CACNA2D1: variants seen among roughly 807,000 people sequenced by gnomAD.
The protein encoded by CACNA2D1 is voltage-dependent calcium channel subunit alpha-2/delta-1.
CACNA2D1 carries 53 observed loss-of-function variants against 171.5 expected under a neutral mutation model. The ratio of observed to expected loss-of-function variants is 0.31; its 90% CI spans 0.25 to 0.39. CACNA2D1 has a LOEUF of 0.39. Among genes scored for constraint, CACNA2D1 ranks in the 10% least tolerant of loss-of-function variants. The pLI is 1.00. For missense variants in CACNA2D1, 903 were observed against 1,299.8 expected (o/e 0.69, Z 4.69); for synonymous variants, 442 against 443.1 (o/e 1.00, Z 0.03).
intron 7 of CACNA2D1, among the ~76,000 whole-genome samples, chr7:82,076,246 T>C (rs1353683063): frequency 6.6e-6 from 1 of 152,148 alleles, no homozygotes; most frequent in East Asian, 1.9e-4. Context: ...CATCCTTTTG[T>C]GTATGTGTAA....
At chr7:82,066,329 T>G (rs912427141) in intron 8 of CACNA2D1, 126 bp downstream of exon 8, 2 of 1,293,132 alleles carry the variant, frequency 1.5e-6, no homozygotes, top group Non-Finnish European at 2.1e-6. Flanking sequence ...TTTACTTATT[T>G]TTAAAAATCA....
At chr7:82,342,508 T>C (rs1261327625) in intron 2 of CACNA2D1, among the ~76,000 whole-genome samples, 4 of 152,172 alleles carry the variant, frequency 2.6e-5, no homozygotes, top group Non-Finnish European at 5.9e-5. Flanking sequence ...CCTAAAAAAA[T>C]CATGGTTAAG....
intron 3 of CACNA2D1, among the ~76,000 whole-genome samples, chr7:82,186,353 C>T (rs147230259): frequency 2.5e-4 from 38 of 152,144 alleles, no homozygotes; most frequent in African/African-American, 8.2e-4. Context: ...CTCTTAAATA[C>T]GCCCCCTGAT....
chr7:82,269,054 A>G (rs1483869700), intron 3 of CACNA2D1, among the ~76,000 whole-genome samples: 1 of 152,108 alleles, frequency 6.6e-6, no homozygotes, highest in Non-Finnish European at 1.5e-5. Flanking sequence ...TGAAACCTAG[A>G]TGTCTTCTTT....
At chr7:82,079,787 A>C (rs1809475653) in intron 7 of CACNA2D1, among the ~76,000 whole-genome samples, 1 of 151,506 alleles carries the variant, frequency 6.6e-6, no homozygotes, top group African/African-American at 2.4e-5. Flanking sequence ...AGAGATGGGG[A>C]GATGTTGGTC....
At chr7:82,414,800 T>C (rs1158028947) in intron 1 of CACNA2D1, among the ~76,000 whole-genome samples, 1 of 152,212 alleles carries the variant, frequency 6.6e-6, no homozygotes, top group Non-Finnish European at 1.5e-5. Flanking sequence ...TACATGTCCA[T>C]ACACCCTAGA....
Position 82,012,231 on chromosome 7 carries a change from C to T in CACNA2D1, c.1285G>A (p.Val429Ile). The change falls in exon 15 of 39, where the codon GTT becomes ATT. Residue 429 changes from valine to isoleucine, a missense_variant. Transcript: ENST00000356860. ...GCTAAAACCATTGGTCTTCCCAAAA[C>T]ATCCAAATATTCCTGTTTATGGGAA... Reference protein sequence around the residue: ...IRINTQEYLDVLGRPMVLAGD... With the variant: ...IRINTQEYLDILGRPMVLAGD... 1 of 1,576,536 alleles carries T rather than the reference C, an allele frequency of 6.3e-7. No individual in the cohort carries two copies. Among genetic ancestry groups the T allele is most frequent in the Non-Finnish European group, 8.7e-7 (1 of 1,151,914 alleles).
chr7:82,136,887 T>A (rs1417899836), intron 4 of CACNA2D1, among the ~76,000 whole-genome samples: 1 of 152,054 alleles, frequency 6.6e-6, no homozygotes, highest in Non-Finnish European at 1.5e-5. Context: ...GGGAAAAAGA[T>A]CCCAGTGTAA....
At chr7:82,206,210 TGC>T (rs1303367248) in intron 3 of CACNA2D1, among the ~76,000 whole-genome samples, 4 of 152,056 alleles carry the variant, frequency 2.6e-5, no homozygotes, top group African/African-American at 9.6e-5. Context: ...ATCAATTAAC[TGC>T]ACTTAGATCA....
chr7:82,049,594 G>A (rs956063261), intron 10 of CACNA2D1, among the ~76,000 whole-genome samples: 3 of 152,140 alleles, frequency 2.0e-5, no homozygotes, highest in Admixed American at 6.5e-5. Flanking sequence ...ACAGTTAACA[G>A]TAATGCGATA....
At chr7:82,420,468 T>C (rs1387865346) in intron 1 of CACNA2D1, among the ~76,000 whole-genome samples, 18 of 152,206 alleles carry the variant, frequency 1.2e-4, no homozygotes, top group Admixed American at 1.2e-3. Flanking sequence ...TACCAACTCA[T>C]GATTTTTTTT....
In CACNA2D1 at chr7:82,433,941, T is replaced by C. The variant is rs547835318; in HGVS notation, c.95+9424A>G. The stretch of plus-strand genomic sequence containing the variant: ...CAATTAAATGGACTGTAAGTGGCCA[T>C]CTGGCCCACATTCAGACTGTCAACA... On this transcript the variant is annotated intron_variant, in intron 1 of 38. Coordinates refer to ENST00000356860, the MANE Select transcript of CACNA2D1 (RefSeq NM_000722.4). 2.1e-3 allele frequency among the ~76,000 whole-genome samples: 327 copies of C among 152,322 alleles called. 12 individuals are homozygous for C. Among genetic ancestry groups the C allele is most frequent in the Non-Finnish European group, 2.3e-3 (155 of 68,032 alleles).
At chr7:82,143,862 T>C (rs1792680829) in intron 4 of CACNA2D1, among the ~76,000 whole-genome samples, 1 of 152,018 alleles carries the variant, frequency 6.6e-6, no homozygotes. Flanking sequence ...AAATCAGGAG[T>C]TTCTATGTTT....
chr7:82,136,587 T>C, intron 5 of CACNA2D1, 48 bp downstream of exon 5: 1 of 1,431,940 alleles, frequency 7.0e-7, no homozygotes, highest in Non-Finnish European at 9.7e-7. Context: ...AGGCCAATCA[T>C]TTTACTATAA....
intron 4 of CACNA2D1, among the ~76,000 whole-genome samples, chr7:82,162,196 G>A (rs1236754294): frequency 6.6e-6 from 1 of 151,968 alleles, no homozygotes; most frequent in African/African-American, 2.4e-5. Context: ...GTGAGTAAAG[G>A]TGAAAATGTG....
At chr7:82,299,086 A>T (rs778765047) in intron 3 of CACNA2D1, among the ~76,000 whole-genome samples, 6 of 146,170 alleles carry the variant, frequency 4.1e-5, no homozygotes, top group Non-Finnish European at 7.6e-5. Flanking sequence ...AAGTAAAAAT[A>T]ATAGTAAATA....
intron 7 of CACNA2D1, among the ~76,000 whole-genome samples, chr7:82,071,669 C>T (rs1405363904): frequency 1.3e-5 from 2 of 152,078 alleles, no homozygotes; most frequent in Non-Finnish European, 2.9e-5. Context: ...ACTTGAAATG[C>T]CAGAAGAATG....
chr7:82,245,051 C>T (rs1804739789), intron 3 of CACNA2D1, among the ~76,000 whole-genome samples: 1 of 152,138 alleles, frequency 6.6e-6, no homozygotes, highest in South Asian at 2.1e-4. Context: ...TCATTACTGC[C>T]TCTCACACTT....
chr7:82,060,189 ATT>A lies in CACNA2D1; in HGVS notation c.879+237_879+238del, dbSNP rs1491299355. 3.4e-3 allele frequency among the ~76,000 whole-genome samples: 39 copies of A among 11,616 alleles called. 1 individual carries two copies. The highest frequency in any genetic ancestry group is 9.0e-3 in the African/African-American group (28 of 3,100). The allele number at this position is 11,616 out of a possible 152,430, so 7.6% of individuals were successfully genotyped here. A position where few individuals can be genotyped will look rare whatever the true frequency, so the allele number is the denominator to read the frequency against. On this transcript the variant is annotated intron_variant, in intron 10 of 38. Transcript: ENST00000356860. ...TAATATATATATATAATATATATAT[ATT>A]ATATATATATTATATATATAATATA...
Sources: allele counts gnomAD v4.1 joint callset (sites outside exome capture counted in the v4.1 genomes callset), GRCh38; gene constraint gnomAD v4.1.1; transcripts MANE v1.5; gene names NCBI Gene and HGNC (gene_info 2026-07-23, HGNC 2026-07-21).